Variants in FAM193A observed in about 807,000 individuals in gnomAD.
FAM193A encodes family with sequence similarity 193 member A.
FAM193A carries 22 observed loss-of-function variants against 126.5 expected under a neutral mutation model. That is an observed-to-expected ratio of 0.17 (90% CI 0.12 to 0.25). The LOEUF (loss-of-function observed/expected upper bound fraction) is 0.25, where lower values mean the gene tolerates loss of function less well. Ranked by LOEUF, FAM193A falls within the 10% of genes least tolerant of loss-of-function variation. FAM193A has a pLI of 1.00. For missense variants in FAM193A, 1,675 were observed against 1,672.8 expected, an observed-to-expected ratio of 1.00 and a Z score of -0.02; for synonymous variants, 761 against 646.8, an observed-to-expected ratio of 1.18 and a Z score of -2.68.
rs756244328 is a variant in FAM193A at position 2,646,794 on chromosome 4, G to C, written c.1273G>C (p.Glu425Gln). Residue 425 changes from glutamate (E) to glutamine (Q), a missense_variant, in exon 7 of 21, where the codon GAG (glutamate) becomes CAG (glutamine). Glu to Gln is a conservative substitution (Grantham distance 29). Coordinates refer to ENST00000637812, the MANE Select transcript of FAM193A (RefSeq NM_001366318.2). ...ELRRVAEEWLECQKRIDAYVD... is the reference protein window; with the variant it reads ...ELRRVAEEWLQCQKRIDAYVD... ...GCGCAGAGTCGCCGAGGAGTGGCTGGAGTGCCAGAAGAGGATCGACGCCTA... is the reference window on the plus strand; with the variant it reads ...GCGCAGAGTCGCCGAGGAGTGGCTGCAGTGCCAGAAGAGGATCGACGCCTA... The C allele has an allele frequency of 8.1e-6, 13 of 1,613,948 alleles. No homozygotes were observed. The highest frequency in any genetic ancestry group is 4.5e-5 in the East Asian group (2 of 44,880).
At chr4:2,568,514 T>A (rs1205252168) in intron 1 of FAM193A, among the ~76,000 whole-genome samples, 1 of 152,178 alleles carries the variant, frequency 6.6e-6, no homozygotes, top group Non-Finnish European at 1.5e-5. Flanking sequence ...CAAGACCCTG[T>A]CTGTAAAAAT....
chr4:2,612,917 T>C (rs1482531563), intron 2 of FAM193A, among the ~76,000 whole-genome samples: 2 of 152,236 alleles, frequency 1.3e-5, no homozygotes. Context: ...TGCATTGCTA[T>C]GTAAACTTTA....
intron 20 of FAM193A, among the ~76,000 whole-genome samples, chr4:2,718,826 C>T (rs1719813433): frequency 6.6e-6 from 1 of 152,068 alleles, no homozygotes; most frequent in Non-Finnish European, 1.5e-5. Flanking sequence ...GGAACAACTT[C>T]ATTACAATTG....
chr4:2,549,540 G>A (rs1737780642), intron 1 of FAM193A, among the ~76,000 whole-genome samples: 1 of 145,972 alleles, frequency 6.9e-6, no homozygotes, highest in African/African-American at 2.5e-5. Context: ...GGGACTACAG[G>A]CGCCCGCCAC....
chr4:2,550,474 G>A (rs562526555), intron 1 of FAM193A, among the ~76,000 whole-genome samples: 98 of 151,838 alleles, frequency 6.5e-4, no homozygotes, highest in African/African-American at 2.2e-3. Context: ...TTCGCTCTTG[G>A]TGCCCAGGCT....
At chr4:2,584,879 C>T (rs376016807) in intron 1 of FAM193A, among the ~76,000 whole-genome samples, 5 of 151,428 alleles carry the variant, frequency 3.3e-5, no homozygotes, top group Middle Eastern at 3.4e-3. Context: ...GAGCCGAGAC[C>T]GTGCCACTGC....
At position 2,593,951 on chromosome 4, in the gene FAM193A, G is replaced by A. The variant is rs550609845; in HGVS notation, c.256-2133G>A. Among the ~76,000 whole-genome samples the A allele has an allele frequency of 8.6e-5, 13 of 151,970 alleles. No homozygotes were observed. The South Asian group carries it at 2.7e-3, about 32-fold the overall frequency. On this transcript the variant is annotated intron_variant, in intron 1 of 20. Transcript: ENST00000637812. ...ACATGGATTCTCATGGTACTCGGTG[G>A]TTTGAGTAGTCTGGCGTTCTCTAGG... is the stretch of plus-strand genomic sequence containing the variant.
rs1414880138 is a variant in FAM193A at position 2,659,960 on chromosome 4, T to A, written c.1651T>A (p.Ser551Thr). 2 of 1,614,062 alleles carry A rather than the reference T, an allele frequency of 1.2e-6. No homozygotes were observed. Among genetic ancestry groups the A allele is most frequent in the Non-Finnish European group, 1.7e-6 (2 of 1,180,032 alleles). ...TGCTGAGAGGAGCCCGCCCAGTGTG[T>A]CATCTGCAAGCTCGGGGTCCGGCTC... ...YLAERSPPSV[S>T]SASSGSGSSS... The change falls in exon 10 of 21, where the codon TCA becomes ACA. Residue 551 changes from serine to threonine, a missense_variant. Ser to Thr is a moderately conservative substitution (Grantham distance 58). Around this residue, in one of 4 missense-constraint regions of FAM193A, gnomAD observed 1,186 missense variants for 1,109.2 expected, o/e 1.07. Coordinates refer to ENST00000637812, the MANE Select transcript of FAM193A (RefSeq NM_001366318.2).
chr4:2,721,864 C>T (rs1720199822), intron 20 of FAM193A, among the ~76,000 whole-genome samples: 1 of 152,216 alleles, frequency 6.6e-6, no homozygotes, highest in African/African-American at 2.4e-5. Flanking sequence ...CAGCATCTGT[C>T]TGTTCACTGC....
intron 1 of FAM193A, among the ~76,000 whole-genome samples, chr4:2,552,416 G>C (rs1026245229): frequency 2.2e-4 from 33 of 152,090 alleles, no homozygotes; most frequent in Admixed American, 2.2e-3. Context: ...CTCCCAAAGT[G>C]CTGGGATTAT....
chr4:2,653,143 C>T (rs1745836124), intron 7 of FAM193A, among the ~76,000 whole-genome samples: 1 of 152,182 alleles, frequency 6.6e-6, no homozygotes, highest in Non-Finnish European at 1.5e-5. Context: ...TGTAACTAAA[C>T]ACAAAAATGC....
intron 8 of FAM193A, 93 bp downstream of exon 8, chr4:2,657,973 C>T: frequency 1.1e-6 from 1 of 882,424 alleles, no homozygotes; most frequent in Middle Eastern, 2.2e-4. Flanking sequence ...TTTGTTAGAA[C>T]AGCATTGGAG....
intron 7 of FAM193A, among the ~76,000 whole-genome samples, chr4:2,653,885 G>A (rs1048220886): frequency 1.4e-4 from 22 of 152,166 alleles, no homozygotes; most frequent in African/African-American, 5.3e-4. Context: ...TGGGTGGGAG[G>A]TTGTGGGGAG....
intron 7 of FAM193A, chr4:2,655,173 T>C (rs922413874): frequency 1.4e-5 from 9 of 652,686 alleles, no homozygotes; most frequent in Non-Finnish European, 2.5e-5. Context: ...ATACAGACTT[T>C]TGATACTTTC....
chr4:2,680,655 T>C lies in FAM193A; in HGVS notation c.2331+8283T>C, dbSNP rs181529935. ...CCCAGCCAATACTTACTTACTTTTT[T>C]TTTTGAGACGGAGTCTTGCTTTGTC... On this transcript the variant is annotated intron_variant, in intron 13 of 20. Coordinates refer to ENST00000637812, the MANE Select transcript of FAM193A (RefSeq NM_001366318.2). 1.3e-4 allele frequency among the ~76,000 whole-genome samples: 20 copies of C among 151,504 alleles called. No individual in the cohort carries two copies. In the East Asian group the frequency reaches 3.9e-3, roughly 30 times the overall value.
chr4:2,591,055 A>G (rs1740543932), intron 1 of FAM193A, among the ~76,000 whole-genome samples: 1 of 151,682 alleles, frequency 6.6e-6, no homozygotes, highest in Non-Finnish European at 1.5e-5. Context: ...TAGAAGTTGT[A>G]CAGGAGTTGT....
intron 7 of FAM193A, 21 bp from the exon 8 acceptor site, chr4:2,657,782 T>G: frequency 6.4e-7 from 1 of 1,563,170 alleles, no homozygotes; most frequent in Non-Finnish European, 8.7e-7. Context: ...TTTTTTTCTG[T>G]TTTTTACATC....
chr4:2,690,895 G>T lies in FAM193A; in HGVS notation c.2728G>T (p.Val910Leu). 1 of 1,614,220 alleles carries T rather than the reference G, an allele frequency of 6.2e-7. No homozygotes were observed. Among genetic ancestry groups the T allele is most frequent in the South Asian group, 1.1e-5 (1 of 91,084 alleles). ...VMATSSATSS[V>L]SCTATTVQSS... ...GGCCACGTCATCAGCCACGTCCTCT[G>T]TGTCCTGCACAGCTACCACAGTGCA... Residue 910 changes from valine (V) to leucine (L), a missense_variant, in exon 15 of 21, where the codon GTG becomes TTG. By Grantham distance (32) the Val-to-Leu change is conservative (BLOSUM62 1). This residue lies in a region of FAM193A where 1,186 missense variants were observed against 1,109.2 expected (regional missense o/e 1.07). Transcript: ENST00000637812.
chr4:2,588,270 C>T (rs1335072002), intron 1 of FAM193A, among the ~76,000 whole-genome samples: 1 of 152,220 alleles, frequency 6.6e-6, no homozygotes, highest in Non-Finnish European at 1.5e-5. Context: ...TTCCCTGTGT[C>T]CTGCCGTGAA....
Sources: allele counts gnomAD v4.1 joint callset (sites outside exome capture counted in the v4.1 genomes callset), GRCh38; gene constraint gnomAD v4.1.1; regional missense constraint gnomAD v4.1.1; transcripts MANE v1.5; gene names NCBI Gene and HGNC (gene_info 2026-07-23, HGNC 2026-07-21).